Variants in TMEM38A observed in about 807,000 individuals in gnomAD.
TMEM38A encodes trimeric intracellular cation channel type A.
A neutral mutation model predicts 28.6 loss-of-function variants in TMEM38A; 17 were observed. The ratio of observed to expected loss-of-function variants is 0.60; its 90% confidence interval spans 0.41 to 0.89. The LOEUF (loss-of-function observed/expected upper bound fraction) is 0.89. Among genes scored for constraint, TMEM38A ranks in the 40% least tolerant of loss-of-function variants. The pLI, the probability that TMEM38A is intolerant of heterozygous loss-of-function variation, is 0.00. For missense variants in TMEM38A, 328 were observed against 393.1 expected (o/e 0.83, Z 1.40); for synonymous variants, 169 against 166.1 (o/e 1.02, Z -0.14).
chr19:16,668,479 C>T (rs535639782), intron 1 of TMEM38A, among the ~76,000 whole-genome samples: 68 of 124,214 alleles, frequency 5.5e-4, no homozygotes, highest in African/African-American at 2.1e-3. Context: ...TGGGGGGAGG[C>T]GGAGGTTGCA....
At chr19:16,683,170 C>T (rs898413713) in intron 4 of TMEM38A, among the ~76,000 whole-genome samples, 3 of 151,944 alleles carry the variant, frequency 2.0e-5, no homozygotes, top group East Asian at 1.9e-4. Context: ...GATGGGGTTT[C>T]ACCATGTTGG....
chr19:16,680,093 C>T lies in TMEM38A; in HGVS notation c.234C>T (p.Ile78=), dbSNP rs144587502. ...ATCTGCTCCTTGGGGAGCCACTGAT[C>T]GATTACTTCAGCAACAACTCCAGCA... ...LADLLLGEPL[I]DYFSNNSSIL... is the part of the protein sequence containing the mutation. The change falls in exon 2 of 6, where the codon ATC becomes ATT. Residue 78 remains isoleucine (I), a synonymous_variant. Transcript: ENST00000187762. 1.4e-4 allele frequency: 221 copies of T among 1,610,882 alleles called. No homozygotes were observed. Among genetic ancestry groups the T allele is most frequent in the Non-Finnish European group, 1.7e-4 (202 of 1,180,032 alleles).
chr19:16,684,905 C>G (rs1002760376), intron 4 of TMEM38A, among the ~76,000 whole-genome samples: 1 of 150,828 alleles, frequency 6.6e-6, no homozygotes. Flanking sequence ...AAAAATTAAG[C>G]AGGCACAGTG....
chr19:16,668,343 G>A (rs2086712038), intron 1 of TMEM38A, among the ~76,000 whole-genome samples: 1 of 151,862 alleles, frequency 6.6e-6, no homozygotes, highest in African/African-American at 2.4e-5. Flanking sequence ...CCAGGCGTTG[G>A]AGACCAGCCT....
chr19:16,682,240 C>T (rs1309647932), intron 3 of TMEM38A, among the ~76,000 whole-genome samples, 181 bp from the exon 4 acceptor site: 1 of 152,096 alleles, frequency 6.6e-6, no homozygotes, highest in African/African-American at 2.4e-5. Context: ...TGATCCTCAG[C>T]AAGGCTCTGT....
intron 1 of TMEM38A, among the ~76,000 whole-genome samples, chr19:16,663,754 T>G (rs1312543108): frequency 1.3e-5 from 2 of 151,586 alleles, no homozygotes. Flanking sequence ...GCCAGGATGG[T>G]CTCGATTTCC....
rs776202747 is a variant in TMEM38A at position 16,680,387 on chromosome 19, T to G, written c.282-10T>G. ...CCATCCCCTGGCACTCACTGTTCTC[T>G]CCCCAAAAGGTACTTGATTTTCTTC... On this transcript the variant is annotated splice_polypyrimidine_tract_variant and intron_variant, in intron 2 of 5. Transcript: ENST00000187762. 59 of 1,613,756 alleles carry G rather than the reference T, an allele frequency of 3.7e-5. No individual in the cohort carries two copies. The highest frequency in any genetic ancestry group is 4.8e-5 in the Non-Finnish European group (57 of 1,179,778).
chr19:16,667,781 C>T (rs564462618), intron 1 of TMEM38A, among the ~76,000 whole-genome samples: 6 of 151,230 alleles, frequency 4.0e-5, no homozygotes, highest in Admixed American at 1.3e-4. Flanking sequence ...ATTGCTTGAA[C>T]GCGGGAGGTG....
rs1452763509 is a variant in TMEM38A, at chr19:16,688,367, A to G, written c.896A>G (p.Asp299Gly). Residue 299 changes from aspartate (D) to glycine (G), a missense_variant, in exon 6 of 6, where the codon GAT (aspartate) becomes GGT (glycine). By Grantham distance (94) the Asp-to-Gly change is moderately conservative (BLOSUM62 -1). Transcript: ENST00000187762. ...GSRKKKAKKAD is the reference protein window; with the variant it reads ...GSRKKKAKKAG The stretch of plus-strand genomic sequence containing the variant: ...AGGAAGAAGAAGGCCAAGAAGGCGG[A>G]TTAGGGGGTGGCCCAAGGGGCACCG... 6.3e-7 allele frequency: 1 copy of G among 1,580,966 alleles called. No individual in the cohort carries two copies. Among genetic ancestry groups the G allele is most frequent in the East Asian group, 2.3e-5 (1 of 43,428 alleles).
chr19:16,685,836 C>A (rs2086799474), intron 4 of TMEM38A, among the ~76,000 whole-genome samples: 1 of 152,204 alleles, frequency 6.6e-6, no homozygotes, highest in Non-Finnish European at 1.5e-5. Flanking sequence ...ACCCATCATG[C>A]ATAGGATGAC....
intron 1 of TMEM38A, among the ~76,000 whole-genome samples, chr19:16,667,604 C>G (rs561968693): frequency 2.0e-5 from 3 of 152,182 alleles, no homozygotes; most frequent in Non-Finnish European, 4.4e-5. Flanking sequence ...TGCCTGTAAT[C>G]CCAGCACTTT....
intron 1 of TMEM38A, among the ~76,000 whole-genome samples, chr19:16,679,019 G>C (rs1161675471): frequency 6.6e-6 from 1 of 151,476 alleles, no homozygotes; most frequent in East Asian, 2.0e-4. Flanking sequence ...CATGGTGGTG[G>C]CTGCCTGTGA....
chr19:16,681,754 A>C (rs916648436), intron 3 of TMEM38A, among the ~76,000 whole-genome samples: 1 of 152,064 alleles, frequency 6.6e-6, no homozygotes, highest in African/African-American at 2.4e-5. Flanking sequence ...AGCTGTGACA[A>C]CTCAAAGTGT....
At chr19:16,674,466 T>C (rs2086741222) in intron 1 of TMEM38A, among the ~76,000 whole-genome samples, 1 of 151,184 alleles carries the variant, frequency 6.6e-6, no homozygotes, top group Non-Finnish European at 1.5e-5. Context: ...GTAAATTCCA[T>C]GAGGGCAGGG....
chr19:16,686,428 C>G (rs780549371), intron 5 of TMEM38A, 23 bp downstream of exon 5: 3 of 1,596,908 alleles, frequency 1.9e-6, no homozygotes, highest in Non-Finnish European at 2.6e-6. Context: ...CTTCTTGCAG[C>G]ATTCTTGCCT....
chr19:16,668,011 C>G (rs1267306289), intron 1 of TMEM38A, among the ~76,000 whole-genome samples: 2 of 152,012 alleles, frequency 1.3e-5, no homozygotes, highest in East Asian at 1.9e-4. Flanking sequence ...AAGTTTGAGA[C>G]CAGCCTGACC....
intron 1 of TMEM38A, among the ~76,000 whole-genome samples, chr19:16,670,095 G>C (rs972061931): frequency 6.6e-6 from 1 of 151,254 alleles, no homozygotes; most frequent in Non-Finnish European, 1.5e-5. Flanking sequence ...TCAGCCTCCC[G>C]AGTAGCTGGG....
In TMEM38A at chr19:16,676,108, C is replaced by CG. The variant is rs2086749996; in HGVS notation, c.125-3876_125-3875insG. Among the ~76,000 whole-genome samples the CG allele has an allele frequency of 2.2e-5, 3 of 133,428 alleles. 1 individual carries two copies. The highest frequency in any genetic ancestry group is 1.2e-4 in the African/African-American group (3 of 25,108). 87.5% of individuals were successfully genotyped at this position (133,428 alleles called of 152,430 possible). A position where few individuals can be genotyped will look rare whatever the true frequency, so the allele number is the denominator to read the frequency against. On this transcript the variant is annotated intron_variant, in intron 1 of 5. Coordinates refer to ENST00000187762, the MANE Select transcript of TMEM38A (RefSeq NM_024074.4). ...GGGCGCGGTGGCTCACACCTGTAAT[C>CG]CCAGCACTTTGTGAGGCCGAGGCAG...
intron 1 of TMEM38A, among the ~76,000 whole-genome samples, chr19:16,678,698 A>G (rs1027979557): frequency 6.8e-6 from 1 of 148,040 alleles, no homozygotes; most frequent in Non-Finnish European, 1.5e-5. Context: ...CCAGGAAGTC[A>G]AGGCTGCAGT....
Sources: allele counts gnomAD v4.1 joint callset (sites outside exome capture counted in the v4.1 genomes callset), GRCh38; gene constraint gnomAD v4.1.1; transcripts MANE v1.5; gene names NCBI Gene and HGNC (gene_info 2026-07-23, HGNC 2026-07-21).